Variants in PSG6 observed in about 807,000 individuals in gnomAD.
The protein encoded by PSG6 is pregnancy specific beta-1-glycoprotein 6.
In PSG6, 51 loss-of-function variants were observed where a neutral mutation model predicts 43.3. The ratio of observed to expected loss-of-function variants is 1.18; its 90% CI spans 0.94 to 1.49. The LOEUF is 1.49. Among genes scored for constraint, PSG6 ranks in the 40% most tolerant of loss-of-function variants. The pLI, the probability that PSG6 is intolerant of heterozygous loss-of-function variation, is 0.00. For missense variants in PSG6, 770 were observed against 522.2 expected (o/e 1.47, Z -4.62); for synonymous variants, 292 against 197.6 (o/e 1.48, Z -4.01).
intron 2 of PSG6, among the ~76,000 whole-genome samples, chr19:42,913,242 C>A (rs1308096975): frequency 2.0e-5 from 3 of 151,574 alleles, no homozygotes; most frequent in African/African-American, 4.8e-5. Context: ...GCTCCACCTC[C>A]TGGGTTCATG....
intron 5 of PSG6, chr19:42,903,685 T>A: frequency 6.5e-7 from 1 of 1,533,508 alleles, no homozygotes; most frequent in Non-Finnish European, 8.8e-7. Context: ...AAACCAGGTG[T>A]TTGGACCAGC....
chr19:42,913,015 G>A (rs1426895713), intron 2 of PSG6, among the ~76,000 whole-genome samples: 2 of 151,610 alleles, frequency 1.3e-5, no homozygotes, highest in African/African-American at 4.8e-5. Flanking sequence ...TGAATATGTT[G>A]TTCCGCTTTT....
intron 4 of PSG6, 109 bp from the exon 5 acceptor site, chr19:42,907,285 G>A: frequency 6.6e-7 from 1 of 1,509,288 alleles, no homozygotes; most frequent in Non-Finnish European, 8.9e-7. Context: ...AACCTCAAGT[G>A]ACAGCCAAAT....
chr19:42,917,663 C>G (rs1600553308), intron 1 of PSG6, 66 bp downstream of exon 1: 2 of 1,593,052 alleles, frequency 1.3e-6, no homozygotes, highest in East Asian at 4.5e-5. Context: ...CCCATCCTCT[C>G]CAGGATACCC....
rs763345501 is a variant in PSG6, at chr19:42,910,791, G to A, written c.495C>T (p.Arg165=). 8 of 1,612,238 alleles carry A rather than the reference G, an allele frequency of 5.0e-6. No homozygotes were observed. The highest frequency in any genetic ancestry group is 6.8e-6 in the Non-Finnish European group (8 of 1,179,238). ...CCGGAGTCTCAGGATCACAGATTAA[G>A]CGCACAGCCTCCATGACCTCCCTGG... ...LNPREVMEAV[R]LICDPETPDA... is the part of the protein sequence containing the mutation. Residue 165 remains arginine, a synonymous_variant, in exon 3 of 6, where the codon CGC becomes CGT. Transcript: ENST00000187910.
At chr19:42,905,019 T>C (rs1314356013) in intron 5 of PSG6, among the ~76,000 whole-genome samples, 1 of 151,572 alleles carries the variant, frequency 6.6e-6, no homozygotes, top group African/African-American at 2.4e-5. Context: ...TGTGCCAAGA[T>C]CGTTCAATGG....
rs1058673 is a variant in PSG6, at chr19:42,910,824, G to A, written c.462C>T (p.Asn154=). The part of the protein sequence containing the change: ...ETPKPSISSS[N]LNPREVMEAV... The stretch of plus-strand genomic sequence containing the variant: ...CCTCCATGACCTCCCTGGGGTTTAA[G>A]TTGCTGCTGGAGATGGAGGGCTTGG... Residue 154 remains asparagine (N), a synonymous_variant, in exon 3 of 6, where the codon AAC becomes AAT. Transcript: ENST00000187910. The A allele has an allele frequency of 5.0e-6, 8 of 1,611,814 alleles. No homozygotes were observed. In the Admixed American group the frequency reaches 6.7e-5, roughly 13 times the overall value.
chr19:42,905,200 G>T (rs1568441260), intron 5 of PSG6, among the ~76,000 whole-genome samples: 1 of 151,616 alleles, frequency 6.6e-6, no homozygotes, highest in Non-Finnish European at 1.5e-5. Flanking sequence ...TCATGATAGT[G>T]GATTTCACAA....
intron 4 of PSG6, 41 bp downstream of exon 4, chr19:42,907,535 A>G: frequency 6.2e-7 from 1 of 1,608,046 alleles, no homozygotes; most frequent in South Asian, 1.1e-5. Context: ...GTTTGGAGTT[A>G]AGCTGGTGTC....
At chr19:42,905,273 T>C (rs771460837) in intron 5 of PSG6, among the ~76,000 whole-genome samples, 2 of 151,790 alleles carry the variant, frequency 1.3e-5, no homozygotes, top group Admixed American at 6.6e-5. Context: ...TCAGACTTCA[T>C]AAAAATCAAA....
In PSG6 at chr19:42,907,569, T is replaced by A; in HGVS notation, c.985+7A>T. 1 of 1,611,816 alleles carries A rather than the reference T, an allele frequency of 6.2e-7. No homozygotes were observed. Among genetic ancestry groups the A allele is most frequent in the Non-Finnish European group, 8.5e-7 (1 of 1,178,926 alleles). ...TCCTGGCCCACAGAGGAACAAAGGA[T>A]ACTCACAGAGGACATTCAGGGTGAC... On this transcript the variant is annotated splice_region_variant and intron_variant, in intron 4 of 5. Transcript: ENST00000187910.
At chr19:42,903,748 C>T (rs1302060992) in intron 5 of PSG6, 6 of 1,516,200 alleles carry the variant, frequency 4.0e-6, no homozygotes, top group Middle Eastern at 4.7e-4. Flanking sequence ...AACCAATTAG[C>T]TGGGCATGTT....
chr19:42,910,452 A>G lies in PSG6; in HGVS notation c.706+128T>C, dbSNP rs765948603. On this transcript the variant is annotated intron_variant, in intron 3 of 5. Coordinates refer to ENST00000187910, the MANE Select transcript of PSG6 (RefSeq NM_001031850.4). ...TCTGGTTTGCCTGGAGCAGAAAGTC[A>G]TGGCCAGCTTTGATGTTCAGGGATA... The G allele has an allele frequency of 7.5e-6, 12 of 1,607,780 alleles. 1 individual carries two copies. In the South Asian group the frequency reaches 1.3e-4, roughly 18 times the overall value.
intron 1 of PSG6, among the ~76,000 whole-genome samples, chr19:42,916,829 C>G (rs1041451919): frequency 6.6e-6 from 1 of 151,422 alleles, no homozygotes; most frequent in Non-Finnish European, 1.5e-5. Context: ...AGACTTCTTT[C>G]CTGATGCCTG....
intron 2 of PSG6, among the ~76,000 whole-genome samples, chr19:42,911,754 A>C (rs1972230966): frequency 6.6e-6 from 1 of 151,782 alleles, no homozygotes; most frequent in Non-Finnish European, 1.5e-5. Flanking sequence ...GGTGGATATT[A>C]GACCAATATT....
intron 2 of PSG6, chr19:42,915,752 C>G (rs574905306): frequency 1.3e-5 from 5 of 370,962 alleles, no homozygotes; most frequent in Admixed American, 8.5e-5. Flanking sequence ...GCTTCCAGAG[C>G]TGAGGTTCTC....
At chr19:42,910,160 A>G (rs58132170) in intron 3 of PSG6, 5,634 of 303,452 alleles carry the variant, frequency 0.019, 375 homozygotes, top group African/African-American at 0.11. Flanking sequence ...AAACGGTGGG[A>G]GCATCCAGGC....
chr19:42,914,675 T>C (rs1358611322), intron 2 of PSG6, among the ~76,000 whole-genome samples: 4 of 151,408 alleles, frequency 2.6e-5, no homozygotes, highest in Non-Finnish European at 4.4e-5. Context: ...GGCTAGAACC[T>C]CCTAGGATTC....
chr19:42,910,716 G>C lies in PSG6; in HGVS notation c.570C>G (p.His190Gln). ...LLNGQNLPMT[H>Q]RLQLSKTNRT... ...TGTTGGTTTTGGACAGCTGCAACCT[G>C]TGAGTCATAGGGAGGTTCTGACCAT... is the stretch of plus-strand genomic sequence containing the variant. Residue 190 changes from histidine (H) to glutamine (Q), a missense_variant, in exon 3 of 6, where the codon CAC becomes CAG. Transcript: ENST00000187910. 2 of 1,612,354 alleles carry C rather than the reference G, an allele frequency of 1.2e-6. No individual in the cohort carries two copies. The highest frequency in any genetic ancestry group is 2.2e-5 in the South Asian group (2 of 90,614).
Sources: allele counts gnomAD v4.1 joint callset (sites outside exome capture counted in the v4.1 genomes callset), GRCh38; gene constraint gnomAD v4.1.1; transcripts MANE v1.5; gene names NCBI Gene and HGNC (gene_info 2026-07-23, HGNC 2026-07-21).